LRCH1: variants seen among roughly 807,000 people sequenced by gnomAD.
LRCH1 encodes leucine-rich repeat and calponin homology domain-containing protein 1.
In LRCH1, 23 loss-of-function variants were observed where a neutral mutation model predicts 94.9. The ratio of observed to expected loss-of-function variants is 0.24; its 90% CI spans 0.17 to 0.34. LRCH1 has a LOEUF of 0.34. LRCH1 is among the 10% of genes least tolerant of loss of function. The pLI, the probability that LRCH1 is intolerant of heterozygous loss-of-function variation, is 1.00. For missense variants in LRCH1, 790 were observed against 945.9 expected (o/e 0.84, Z 2.16); for synonymous variants, 364 against 354.9 (o/e 1.03, Z -0.29).
At chr13:46,648,556 T>C (rs904269014) in intron 1 of LRCH1, among the ~76,000 whole-genome samples, 6 of 152,240 alleles carry the variant, frequency 3.9e-5, no homozygotes, top group Non-Finnish European at 7.3e-5. Flanking sequence ...TTCACATTAT[T>C]TAACCATGAG....
intron 2 of LRCH1, among the ~76,000 whole-genome samples, chr13:46,661,950 A>T (rs2051454275): frequency 6.6e-6 from 1 of 152,194 alleles, no homozygotes; most frequent in African/African-American, 2.4e-5. Context: ...GCCGTGGCTC[A>T]TGCCTGTAAT....
At chr13:46,703,041 G>A (rs933107705) in intron 11 of LRCH1, among the ~76,000 whole-genome samples, 2 of 152,126 alleles carry the variant, frequency 1.3e-5, no homozygotes, top group African/African-American at 2.4e-5. Context: ...TGTTTGGCTC[G>A]TGGCATAGGC....
exon 19 of LRCH1, chr13:46,752,552 A>T (rs1011638763): frequency 2.0e-5 from 3 of 152,230 alleles, no homozygotes; most frequent in African/African-American, 7.2e-5. Flanking sequence ...GTACTGCACA[A>T]ATACCTGTTT....
chr13:46,639,263 G>A (rs556218342), intron 1 of LRCH1, among the ~76,000 whole-genome samples: 2 of 152,304 alleles, frequency 1.3e-5, no homozygotes, highest in African/African-American at 2.4e-5. Flanking sequence ...TCCCTGTAGA[G>A]AGAAGTCCAC....
In LRCH1 at chr13:46,699,400, G is replaced by A; in HGVS notation, c.1310G>A (p.Gly437Asp). The A allele has an allele frequency of 1.9e-6, 3 of 1,613,810 alleles. No homozygotes were observed. Among genetic ancestry groups the A allele is most frequent in the Non-Finnish European group, 2.5e-6 (3 of 1,179,680 alleles). ...IEEDVHWQTE[G>D]IISSSKDQDM... ...GAGGATGTGCACTGGCAAACTGAGGGCATGTGAGTGCCGAGGCCTTGGTTA... is the reference window on the plus strand; with the variant it reads ...GAGGATGTGCACTGGCAAACTGAGGACATGTGAGTGCCGAGGCCTTGGTTA... The change falls in exon 10 of 20, where the codon GGC becomes GAC. Residue 437 changes from glycine to aspartate, a missense_variant. By Grantham distance (94) the Gly-to-Asp change is moderately conservative. Transcript: ENST00000389797.
intron 13 of LRCH1, among the ~76,000 whole-genome samples, chr13:46,707,807 T>G (rs1349246918): frequency 6.6e-6 from 1 of 152,226 alleles, no homozygotes; most frequent in Non-Finnish European, 1.5e-5. Flanking sequence ...CAATAAATAT[T>G]CGTTGATTGC....
chr13:46,556,432 A>G (rs2050066415), intron 1 of LRCH1, among the ~76,000 whole-genome samples: 1 of 152,232 alleles, frequency 6.6e-6, no homozygotes, highest in South Asian at 2.1e-4. Flanking sequence ...AATCAAAATA[A>G]GTTTTGTTGT....
intron 2 of LRCH1, among the ~76,000 whole-genome samples, chr13:46,657,751 GCTC>G (rs1442856630): frequency 7.3e-6 from 1 of 137,836 alleles, no homozygotes; most frequent in African/African-American, 2.7e-5. Context: ...CTGGTTTCGA[GCTC>G]CTGGGCTCAA....
intron 2 of LRCH1, among the ~76,000 whole-genome samples, chr13:46,667,862 G>A (rs926492603): frequency 6.6e-6 from 1 of 152,098 alleles, no homozygotes; most frequent in Non-Finnish European, 1.5e-5. Flanking sequence ...ACCTATACCC[G>A]AAGAGGAGTA....
At chr13:46,589,218 C>T (rs529184731) in intron 1 of LRCH1, among the ~76,000 whole-genome samples, 39 of 151,412 alleles carry the variant, frequency 2.6e-4, no homozygotes, top group African/African-American at 9.0e-4. Context: ...AATTTTATTT[C>T]TATAGAGAGA....
At chr13:46,557,935 A>G (rs995402705) in intron 1 of LRCH1, among the ~76,000 whole-genome samples, 1 of 152,178 alleles carries the variant, frequency 6.6e-6, no homozygotes, top group Non-Finnish European at 1.5e-5. Flanking sequence ...AGTTCCAGCT[A>G]TGCGGACGGC....
Position 46,568,211 on chromosome 13 carries a change from A to G in LRCH1, c.307+14508A>G, listed in dbSNP as rs74428807. Among the ~76,000 whole-genome samples the G allele has an allele frequency of 8.8e-3, 1,344 of 152,328 alleles. 8 individuals are homozygous for G. The highest frequency in any genetic ancestry group is 0.031 in the African/African-American group (1,283 of 41,556). On this transcript the variant is annotated intron_variant, in intron 1 of 19. Transcript: ENST00000389797. ...TAAGAGGTGCTCTCAGAGGGTGCTT[A>G]TAAGTGGCACCATCCTAAATCCAGG...
chr13:46,674,655 C>T (rs1176376987), intron 3 of LRCH1, among the ~76,000 whole-genome samples: 2 of 152,222 alleles, frequency 1.3e-5, no homozygotes, highest in Non-Finnish European at 2.9e-5. Context: ...AGAGATAAAG[C>T]ATTCACATTT....
chr13:46,670,306 C>T (rs920296745), intron 3 of LRCH1, among the ~76,000 whole-genome samples: 1 of 152,180 alleles, frequency 6.6e-6, no homozygotes, highest in Non-Finnish European at 1.5e-5. Context: ...AGATCACTTA[C>T]GATGAAGACA....
chr13:46,710,104 G>A (rs1871980708), intron 13 of LRCH1, among the ~76,000 whole-genome samples: 2 of 152,170 alleles, frequency 1.3e-5, no homozygotes, highest in South Asian at 4.1e-4. Flanking sequence ...GGAAGATGAA[G>A]GCTATGAAGT....
chr13:46,689,497 A>T (rs1281569937), intron 7 of LRCH1, among the ~76,000 whole-genome samples: 2 of 152,198 alleles, frequency 1.3e-5, no homozygotes, highest in African/African-American at 4.8e-5. Flanking sequence ...TAAATATTAC[A>T]AAATGGCTAA....
chr13:46,667,474 A>G (rs896006604), intron 2 of LRCH1, among the ~76,000 whole-genome samples: 1 of 144,048 alleles, frequency 6.9e-6, no homozygotes, highest in African/African-American at 2.6e-5. Context: ...GGAATTGAAC[A>G]ATGAGAACAC....
At chr13:46,681,702 A>G (rs759012054) in intron 3 of LRCH1, 39 bp from the exon 4 acceptor site, 14 of 1,379,802 alleles carry the variant, frequency 1.0e-5, no homozygotes, top group Non-Finnish European at 1.3e-5. Flanking sequence ...ATTTCCTGGA[A>G]AAAGATGTTT....
rs778177220 is a variant in LRCH1 at position 46,681,728 on chromosome 13, G to C, written c.580-13G>C. The C allele has an allele frequency of 2.6e-6, 4 of 1,565,734 alleles. No homozygotes were observed. The highest frequency in any genetic ancestry group is 1.7e-4 in the Middle Eastern group (1 of 5,990). On this transcript the variant is annotated splice_polypyrimidine_tract_variant and intron_variant, in intron 3 of 19. Coordinates refer to ENST00000389797, the MANE Select transcript of LRCH1 (RefSeq NM_001164211.2). ...AAAGATGTTTATTATTTCTCTCTCT[G>C]CTTTTGATACAGGATGTCAGCTGCA... is the stretch of plus-strand genomic sequence containing the variant.
Sources: gnomAD v4.1 joint callset for allele counts (sites outside exome capture counted in the v4.1 genomes callset) on GRCh38, gnomAD v4.1.1 for gene constraint, MANE v1.5 for transcripts, NCBI Gene and HGNC (gene_info 2026-07-23, HGNC 2026-07-21) for gene names.